KHDRBS3: variants seen among roughly 807,000 people sequenced by gnomAD.
The protein encoded by KHDRBS3 is KH RNA binding domain containing, signal transduction associated 3.
A neutral mutation model predicts 45.6 loss-of-function variants in KHDRBS3; 23 were observed. That is an observed-to-expected ratio of 0.50 (90% CI 0.36 to 0.72). The LOEUF (loss-of-function observed/expected upper bound fraction) is 0.72. Ranked by LOEUF, KHDRBS3 falls within the 30% of genes least tolerant of loss-of-function variation. KHDRBS3 has a pLI of 0.00. For synonymous variants in KHDRBS3, 162 were observed against 156.5 expected (o/e 1.04, Z -0.26); for missense variants, 352 against 424.8 (o/e 0.83, Z 1.51).
chr8:135,459,897 A>G (rs776961326), intron 1 of KHDRBS3, among the ~76,000 whole-genome samples: 43 of 152,230 alleles, frequency 2.8e-4, no homozygotes, highest in Non-Finnish European at 6.3e-4. Flanking sequence ...CTTACTTTTC[A>G]TAGAAGTAAT....
chr8:135,587,136 TG>T (rs749654270), intron 6 of KHDRBS3, among the ~76,000 whole-genome samples: 1 of 152,194 alleles, frequency 6.6e-6, no homozygotes, highest in Admixed American at 6.5e-5. Context: ...CCTTGTAAAA[TG>T]TGCCTATTGA....
chr8:135,653,305 A>G (rs1831467373), intron 4 of KHDRBS3, among the ~76,000 whole-genome samples: 1 of 152,176 alleles, frequency 6.6e-6, no homozygotes, highest in Non-Finnish European at 1.5e-5. Flanking sequence ...ACTGCCTGGC[A>G]CATAGACATA....
downstream of KHDRBS3, among the ~76,000 whole-genome samples, chr8:135,649,842 A>T (rs113410935): frequency 1.5e-3 from 233 of 152,252 alleles, 6 homozygotes; most frequent in African/African-American, 4.9e-3. Context: ...CATTTTTTCA[A>T]AGCTTCCATA....
At chr8:135,654,661 A>G (rs1831495547) in intron 4 of KHDRBS3, among the ~76,000 whole-genome samples, 1 of 152,194 alleles carries the variant, frequency 6.6e-6, no homozygotes, top group Admixed American at 6.5e-5. Context: ...ACCCTTCCTC[A>G]GACTCCTGCT....
At chr8:135,634,047 C>G (rs1030660784) in intron 7 of KHDRBS3, among the ~76,000 whole-genome samples, 2 of 152,204 alleles carry the variant, frequency 1.3e-5, no homozygotes, top group African/African-American at 4.8e-5. Context: ...TCCCTCCCCT[C>G]AACCCCTGTC....
intron 2 of KHDRBS3, among the ~76,000 whole-genome samples, chr8:135,529,087 C>A (rs1181351730): frequency 6.6e-6 from 1 of 152,092 alleles, no homozygotes; most frequent in Non-Finnish European, 1.5e-5. Context: ...AATCTTGGGC[C>A]TATGATAAAG....
At chr8:135,623,969 G>A (rs1174079552) in intron 7 of KHDRBS3, among the ~76,000 whole-genome samples, 1 of 152,218 alleles carries the variant, frequency 6.6e-6, no homozygotes, top group African/African-American at 2.4e-5. Flanking sequence ...ATGAGGGAGA[G>A]TTAAGGAATG....
intron 1 of KHDRBS3, among the ~76,000 whole-genome samples, chr8:135,505,117 A>G (rs1032112929): frequency 2.6e-5 from 4 of 152,164 alleles, no homozygotes; most frequent in Admixed American, 2.6e-4. Context: ...CACAGTTCTT[A>G]AAAAGTTTAG....
intron 1 of KHDRBS3, among the ~76,000 whole-genome samples, chr8:135,517,002 A>C (rs182106828): frequency 8.3e-4 from 127 of 152,340 alleles, no homozygotes; most frequent in African/African-American, 2.8e-3. Context: ...GGACTTTAGT[A>C]TATCTGGTAC....
intron 1 of KHDRBS3, among the ~76,000 whole-genome samples, chr8:135,520,546 A>G (rs1824855698): frequency 6.6e-6 from 1 of 152,252 alleles, no homozygotes; most frequent in South Asian, 2.1e-4. Context: ...GTAGAGTTGC[A>G]CGTAAAGTGC....
intron 1 of KHDRBS3, among the ~76,000 whole-genome samples, chr8:135,460,865 C>T (rs1277929463): frequency 6.6e-6 from 1 of 151,810 alleles, no homozygotes; most frequent in Admixed American, 6.6e-5. Context: ...GAGGTGTAGT[C>T]GTTCTTTAAA....
intron 7 of KHDRBS3, chr8:135,625,568 G>A: frequency 1.1e-6 from 1 of 946,894 alleles, no homozygotes; most frequent in South Asian, 1.3e-5. Context: ...AACGAGAGAG[G>A]GAGCCACTGC....
chr8:135,481,512 G>A (rs953869904), intron 1 of KHDRBS3, among the ~76,000 whole-genome samples: 21 of 151,960 alleles, frequency 1.4e-4, no homozygotes, highest in Admixed American at 8.5e-4. Context: ...GCTTTGTGAA[G>A]GCAGGGACTG....
At chr8:135,543,091 C>G (rs1826123102) in intron 3 of KHDRBS3, among the ~76,000 whole-genome samples, 1 of 152,052 alleles carries the variant, frequency 6.6e-6, no homozygotes, top group Non-Finnish European at 1.5e-5. Flanking sequence ...TTACTGTTTG[C>G]ATTTTAGATT....
At chr8:135,485,781 T>TA (rs1418235990) in intron 1 of KHDRBS3, among the ~76,000 whole-genome samples, 2 of 149,188 alleles carry the variant, frequency 1.3e-5, no homozygotes, top group Non-Finnish European at 3.0e-5. Context: ...TTTCACCTGT[T>TA]ACTTCATTTT....
chr8:135,486,659 G>A (rs2130373548), intron 1 of KHDRBS3, among the ~76,000 whole-genome samples: 1 of 152,280 alleles, frequency 6.6e-6, no homozygotes, highest in Admixed American at 6.5e-5. Context: ...ACTAATATTT[G>A]TTTATATGGA....
intron 2 of KHDRBS3, among the ~76,000 whole-genome samples, chr8:135,535,850 G>C (rs1825720465): frequency 2.0e-5 from 3 of 152,168 alleles, no homozygotes; most frequent in Admixed American, 6.5e-5. Context: ...CATGGTCCCT[G>C]CTTCTAAGAT....
chr8:135,463,949 C>T (rs1167750042), intron 1 of KHDRBS3, among the ~76,000 whole-genome samples: 1 of 152,186 alleles, frequency 6.6e-6, no homozygotes, highest in Non-Finnish European at 1.5e-5. Flanking sequence ...TCTGTGCATT[C>T]TCTCCCATCC....
chr8:135,594,844 G>A (rs1828903753), intron 6 of KHDRBS3, among the ~76,000 whole-genome samples: 1 of 152,174 alleles, frequency 6.6e-6, no homozygotes, highest in South Asian at 2.1e-4. Context: ...TTGGCTGTCT[G>A]TTATGAGCAC....
Sources: allele counts gnomAD v4.1 joint callset (sites outside exome capture counted in the v4.1 genomes callset), GRCh38; gene constraint gnomAD v4.1.1; transcripts MANE v1.5; gene names NCBI Gene and HGNC (gene_info 2026-07-23, HGNC 2026-07-21).